Variants in ART1 observed in about 807,000 individuals in gnomAD.
ART1 encodes the protein GPI-linked NAD(P)(+)--arginine ADP-ribosyltransferase 1.
A neutral mutation model predicts 27.0 loss-of-function variants in ART1; 29 were observed. The observed-to-expected ratio is 1.08, with a 90% CI of 0.80 to 1.47. ART1 has a LOEUF of 1.47. Among genes scored for constraint, ART1 ranks in the 40% most tolerant of loss-of-function variants. The pLI is 0.00. For missense variants in ART1, 480 were observed against 423.0 expected (o/e 1.13, Z -1.18); for synonymous variants, 201 against 172.2 (o/e 1.17, Z -1.31).
chr11:3,646,543 G>T (rs2077471014), intron 1 of ART1, among the ~76,000 whole-genome samples: 1 of 152,064 alleles, frequency 6.6e-6, no homozygotes, highest in Non-Finnish European at 1.5e-5. Context: ...AGGATACCAG[G>T]GTATCTCATG....
chr11:3,653,650 G>A (rs61878546), intron 1 of ART1, among the ~76,000 whole-genome samples: 1,674 of 152,188 alleles, frequency 0.011, 13 homozygotes, highest in African/African-American at 0.021. Context: ...GAGGAGCTTC[G>A]TATTTTTTTT....
intron 1 of ART1, chr11:3,655,658 A>T (rs138310647): frequency 6.6e-6 from 1 of 152,334 alleles, no homozygotes; most frequent in African/African-American, 2.4e-5. Flanking sequence ...AGTGTCAGGT[A>T]CACTCTCTTT....
chr11:3,655,021 A>G (rs910511800), intron 1 of ART1, among the ~76,000 whole-genome samples: 5 of 152,188 alleles, frequency 3.3e-5, no homozygotes, highest in Non-Finnish European at 5.9e-5. Context: ...CTCAGTGGCA[A>G]ACAAACATTT....
chr11:3,653,526 C>T (rs183761415), intron 1 of ART1, among the ~76,000 whole-genome samples: 2 of 151,920 alleles, frequency 1.3e-5, no homozygotes, highest in Non-Finnish European at 2.9e-5. Flanking sequence ...CCACCCTTAT[C>T]TCCCTTCGCT....
intron 1 of ART1, among the ~76,000 whole-genome samples, chr11:3,650,060 G>A (rs2077506992): frequency 6.6e-6 from 1 of 152,152 alleles, no homozygotes; most frequent in African/African-American, 2.4e-5. Context: ...AATAGAGGCA[G>A]CCAAGTAGCA....
intron 1 of ART1, among the ~76,000 whole-genome samples, chr11:3,653,525 T>A (rs1029016804): frequency 7.2e-5 from 11 of 151,888 alleles, no homozygotes; most frequent in African/African-American, 1.7e-4. Flanking sequence ...CCCACCCTTA[T>A]CTCCCTTCGC....
chr11:3,663,078 C>CTCATCTCA (rs56694234), intron 4 of ART1, among the ~76,000 whole-genome samples: 1 of 108,712 alleles, frequency 9.2e-6, no homozygotes, highest in Non-Finnish European at 1.8e-5. Flanking sequence ...CTCATCTCAT[C>CTCATCTCA]ATCTCATCTC....
chr11:3,658,348 A>AAAAG (rs980100507), intron 1 of ART1, among the ~76,000 whole-genome samples: 1 of 151,096 alleles, frequency 6.6e-6, no homozygotes, highest in African/African-American at 2.4e-5. Context: ...AAAAAAAAAA[A>AAAAG]AGAGAGAGAA....
In ART1 at chr11:3,659,647, T is replaced by C. The variant is rs777237646; in HGVS notation, c.128T>C (p.Leu43Pro). ...CAAGAGATTCAGCTGGACATGGCCC[T>C]GGCCTCCTTTGATGACCAGTACGCT... ...FSQEIQLDMA[L>P]ASFDDQYAGC... The change falls in exon 3 of 5, where the codon CTG becomes CCG. Residue 43 changes from leucine (L) to proline (P), a missense_variant. By Grantham distance (98) the Leu-to-Pro change is moderately conservative. Coordinates refer to ENST00000250693, the MANE Select transcript of ART1 (RefSeq NM_004314.3). The C allele has an allele frequency of 3.1e-6, 5 of 1,613,754 alleles. No homozygotes were observed. The highest frequency in any genetic ancestry group is 4.2e-6 in the Non-Finnish European group (5 of 1,180,016).
At chr11:3,656,074 A>C (rs754399131) in intron 1 of ART1, among the ~76,000 whole-genome samples, 1 of 151,926 alleles carries the variant, frequency 6.6e-6, no homozygotes, top group Non-Finnish European at 1.5e-5. Flanking sequence ...TTGGGATTAC[A>C]AGCGCACAAC....
chr11:3,656,114 A>G (rs898762443), intron 1 of ART1, among the ~76,000 whole-genome samples: 2 of 151,728 alleles, frequency 1.3e-5, no homozygotes, highest in African/African-American at 2.4e-5. Flanking sequence ...TTGTAATTTT[A>G]GTAGAGATGG....
chr11:3,663,053 C>CTCATCTCA (rs1554883221), intron 4 of ART1, among the ~76,000 whole-genome samples: 9 of 121,636 alleles, frequency 7.4e-5, no homozygotes, highest in African/African-American at 3.2e-4. Flanking sequence ...CTCATCTCAT[C>CTCATCTCA]TCATCTCATC....
intron 3 of ART1, among the ~76,000 whole-genome samples, 183 bp from the exon 4 acceptor site, chr11:3,661,189 C>T (rs1234541901): frequency 6.6e-6 from 1 of 152,126 alleles, no homozygotes; most frequent in Non-Finnish European, 1.5e-5. Context: ...TCCCTTCTGG[C>T]CCTGCTGCTC....
chr11:3,649,418 T>A (rs2077498799), intron 1 of ART1, among the ~76,000 whole-genome samples: 1 of 152,220 alleles, frequency 6.6e-6, no homozygotes. Context: ...CAAGGCATTC[T>A]TTTACACATC....
intron 1 of ART1, among the ~76,000 whole-genome samples, chr11:3,653,671 C>G (rs113393178): frequency 2.0e-5 from 3 of 151,972 alleles, no homozygotes; most frequent in Non-Finnish European, 4.4e-5. Context: ...AAATCTACTC[C>G]GCTTCTCCTC....
intron 1 of ART1, among the ~76,000 whole-genome samples, chr11:3,646,152 C>T (rs1396867567): frequency 6.6e-6 from 1 of 151,954 alleles, no homozygotes; most frequent in African/African-American, 2.4e-5. Flanking sequence ...TTCTTCCAGT[C>T]AGTTTTGGCA....
Position 3,659,697 on chromosome 11 carries a change from G to A in ART1, c.178G>A (p.Ala60Thr), listed in dbSNP as rs2077601724. 4 of 1,613,984 alleles carry A rather than the reference G, an allele frequency of 2.5e-6. No individual in the cohort carries two copies. The highest frequency in any genetic ancestry group is 3.4e-6 in the Non-Finnish European group (4 of 1,179,990). ...YAGCAAAMTAALPDLNHTEFQ... is the reference protein window; with the variant it reads ...YAGCAAAMTATLPDLNHTEFQ... The stretch of plus-strand genomic sequence containing the variant: ...TGGCTGTGCTGCTGCCATGACAGCT[G>A]CTCTCCCGGATCTCAACCACACGGA... Residue 60 changes from alanine to threonine, a missense_variant, in exon 3 of 5, where the codon GCT becomes ACT. Physicochemically the swap from Ala to Thr is moderately conservative, Grantham distance 58 (BLOSUM62 0). Coordinates refer to ENST00000250693, the MANE Select transcript of ART1 (RefSeq NM_004314.3).
chr11:3,660,538 T>G (rs939421027), intron 3 of ART1, among the ~76,000 whole-genome samples, 175 bp downstream of exon 3: 1 of 152,090 alleles, frequency 6.6e-6, no homozygotes, highest in African/African-American at 2.4e-5. Context: ...TTCTGAGGGG[T>G]GCACTTACTG....
At chr11:3,651,708 T>C (rs2077523288) in intron 1 of ART1, among the ~76,000 whole-genome samples, 1 of 142,364 alleles carries the variant, frequency 7.0e-6, no homozygotes, top group African/African-American at 2.6e-5. Flanking sequence ...ATATACTTTC[T>C]GATCCCCCAG....
Sources: gnomAD v4.1 joint callset for allele counts (sites outside exome capture counted in the v4.1 genomes callset) on GRCh38, gnomAD v4.1.1 for gene constraint, MANE v1.5 for transcripts, NCBI Gene and HGNC (gene_info 2026-07-23, HGNC 2026-07-21) for gene names.